Variants in LRRC7 observed in about 807,000 individuals in gnomAD.
LRRC7 encodes the protein leucine rich repeat containing 7.
A neutral mutation model predicts 175.7 loss-of-function variants in LRRC7; 23 were observed. That is an observed-to-expected ratio of 0.13 (90% CI 0.09 to 0.19). The LOEUF is 0.19. Ranked by LOEUF, LRRC7 falls within the 10% of genes least tolerant of loss-of-function variation. The probability of loss-of-function intolerance (pLI) is 1.00; values close to 1 mark genes in which losing one functional copy is unlikely to be tolerated. For missense variants in LRRC7, 1,354 were observed against 1,904.7 expected (o/e 0.71, Z 5.38); for synonymous variants, 685 against 680.9 (o/e 1.01, Z -0.09).
intron 18 of LRRC7, among the ~76,000 whole-genome samples, chr1:70,031,671 C>T (rs1315373778): frequency 6.6e-6 from 1 of 152,166 alleles, no homozygotes; most frequent in Non-Finnish European, 1.5e-5. Context: ...CACCTATCTT[C>T]TCACAGCTAG....
chr1:70,089,608 A>C, intron 24 of LRRC7, 119 bp from the exon 25 acceptor site: 1 of 640,268 alleles, frequency 1.6e-6, no homozygotes. Flanking sequence ...TATCAACTCA[A>C]CATAGGCTAA....
chr1:69,856,302 C>G (rs1018330978), intron 7 of LRRC7, among the ~76,000 whole-genome samples: 1 of 151,962 alleles, frequency 6.6e-6, no homozygotes, highest in Admixed American at 6.6e-5. Flanking sequence ...AAAAACTCTT[C>G]AAAATATCAA....
At chr1:69,994,204 C>A (rs12034575) in intron 10 of LRRC7, among the ~76,000 whole-genome samples, 1 of 152,122 alleles carries the variant, frequency 6.6e-6, no homozygotes, top group Non-Finnish European at 1.5e-5. Flanking sequence ...TGCTTAGGAA[C>A]TAATTAAATA....
chr1:69,914,892 T>C (rs1646640911), intron 7 of LRRC7, among the ~76,000 whole-genome samples: 1 of 152,104 alleles, frequency 6.6e-6, no homozygotes, highest in Non-Finnish European at 1.5e-5. Context: ...AATGTGGCCC[T>C]TTACAGAGAA....
chr1:70,058,838 G>A (rs186727305), intron 23 of LRRC7, among the ~76,000 whole-genome samples: 2 of 152,284 alleles, frequency 1.3e-5, no homozygotes, highest in African/African-American at 4.8e-5. Flanking sequence ...TTCAGACATT[G>A]CACTCTGATT....
chr1:70,006,771 AT>A (rs1410672203), intron 11 of LRRC7, among the ~76,000 whole-genome samples: 1 of 152,122 alleles, frequency 6.6e-6, no homozygotes, highest in Non-Finnish European at 1.5e-5. Flanking sequence ...CCACCTATAA[AT>A]TGGGGCTCCC....
chr1:69,793,816 C>T (rs1443386015), intron 4 of LRRC7, among the ~76,000 whole-genome samples: 1 of 152,004 alleles, frequency 6.6e-6, no homozygotes, highest in Non-Finnish European at 1.5e-5. Flanking sequence ...CAGTAAATAT[C>T]TATTCAATGA....
intron 1 of LRRC7, among the ~76,000 whole-genome samples, chr1:69,591,732 T>G (rs1646643834): frequency 6.6e-6 from 1 of 152,062 alleles, no homozygotes; most frequent in Non-Finnish European, 1.5e-5. Context: ...ACCTATCCAT[T>G]TCTTCATCCA....
chr1:69,807,177 G>C (rs1175622716), intron 4 of LRRC7, among the ~76,000 whole-genome samples: 2 of 151,932 alleles, frequency 1.3e-5, no homozygotes, highest in African/African-American at 4.8e-5. Context: ...TTTATTTTGA[G>C]CTTATGTGTG....
intron 11 of LRRC7, among the ~76,000 whole-genome samples, chr1:69,997,332 C>G (rs1406874403): frequency 3.3e-5 from 5 of 151,926 alleles, no homozygotes; most frequent in Non-Finnish European, 4.4e-5. Flanking sequence ...GATATACAAT[C>G]ATGTCATCTG....
chr1:70,068,576 T>G (rs1328933129), intron 23 of LRRC7, among the ~76,000 whole-genome samples: 1 of 152,176 alleles, frequency 6.6e-6, no homozygotes, highest in African/African-American at 2.4e-5. Context: ...TCTTCCCTAC[T>G]TCCTTCCTCT....
chr1:70,069,233 A>G (rs1309712402), intron 23 of LRRC7, among the ~76,000 whole-genome samples: 2 of 152,192 alleles, frequency 1.3e-5, no homozygotes, highest in African/African-American at 4.8e-5. Context: ...AGGCCTCAGG[A>G]AACTTACAAT....
intron 2 of LRRC7, among the ~76,000 whole-genome samples, chr1:69,723,838 TG>T (rs1309381570): frequency 6.6e-6 from 1 of 152,176 alleles, no homozygotes; most frequent in Admixed American, 6.5e-5. Context: ...AGAGAGTCTC[TG>T]GGGTCGTTTT....
chr1:69,701,326 G>A (rs1393334301), intron 2 of LRRC7, among the ~76,000 whole-genome samples: 1 of 152,028 alleles, frequency 6.6e-6, no homozygotes, highest in Non-Finnish European at 1.5e-5. Context: ...AGAATATTGT[G>A]CTGTTCATTT....
At chr1:69,967,360 A>T (rs1651768554) in intron 8 of LRRC7, among the ~76,000 whole-genome samples, 1 of 152,008 alleles carries the variant, frequency 6.6e-6, no homozygotes, top group African/African-American at 2.4e-5. Flanking sequence ...CTCCTCCCCT[A>T]CACCCTCTGG....
At chr1:70,022,727 G>C (rs1290294833) in intron 16 of LRRC7, among the ~76,000 whole-genome samples, 1 of 152,190 alleles carries the variant, frequency 6.6e-6, no homozygotes, top group Non-Finnish European at 1.5e-5. Flanking sequence ...CATCATGGAA[G>C]TATGATGAAT....
intron 7 of LRRC7, among the ~76,000 whole-genome samples, chr1:69,913,754 C>T (rs1011154010): frequency 6.6e-6 from 1 of 152,140 alleles, no homozygotes; most frequent in Non-Finnish European, 1.5e-5. Context: ...CTCAGATGAT[C>T]CACCCACCTC....
chr1:69,670,118 A>G (rs1289770919), intron 1 of LRRC7, among the ~76,000 whole-genome samples: 1 of 152,076 alleles, frequency 6.6e-6, no homozygotes, highest in Non-Finnish European at 1.5e-5. Context: ...CATGTTTTCC[A>G]GGATGGTCTT....
In LRRC7 at chr1:69,663,426, A is replaced by G. The variant is rs545809677; in HGVS notation, c.3-14955A>G. Among the ~76,000 whole-genome samples the G allele has an allele frequency of 2.0e-5, 3 of 152,340 alleles. No individual in the cohort carries two copies. In the South Asian group the frequency reaches 6.2e-4, roughly 32 times the overall value. On this transcript the variant is annotated intron_variant, in intron 1 of 26. Transcript: ENST00000651989. ...GCATGCAATGCATACAAATGATATT[A>G]GGATAAATAGAGTATTCATCACCTC...
Sources: allele counts gnomAD v4.1 joint callset (sites outside exome capture counted in the v4.1 genomes callset), GRCh38; gene constraint gnomAD v4.1.1; transcripts MANE v1.5; gene names NCBI Gene and HGNC (gene_info 2026-07-23, HGNC 2026-07-21).